The following MCTP2 variants were observed in gnomAD, a reference collection of about 807,000 sequenced individuals.
MCTP2 encodes the protein multiple C2 and transmembrane domain-containing protein 2.
In MCTP2, 132 loss-of-function variants were observed where a neutral mutation model predicts 111.6. The ratio of observed to expected loss-of-function variants is 1.18; its 90% confidence interval spans 1.03 to 1.37. The LOEUF is 1.37. Among genes scored for constraint, MCTP2 ranks in the 40% most tolerant of loss-of-function variants. The pLI is 0.00. For missense variants in MCTP2, 1,183 were observed against 1,067.9 expected (o/e 1.11, Z -1.50); for synonymous variants, 395 against 387.7 (o/e 1.02, Z -0.22).
At chr15:94,239,276 T>C (rs147027556) in intron 1 of MCTP2, among the ~76,000 whole-genome samples, 30 of 152,348 alleles carry the variant, frequency 2.0e-4, no homozygotes, top group African/African-American at 7.2e-4. Flanking sequence ...TATATAGATA[T>C]GCTTAGCTTC....
chr15:94,440,744 C>T (rs556177386), intron 18 of MCTP2, among the ~76,000 whole-genome samples: 1 of 152,322 alleles, frequency 6.6e-6, no homozygotes, highest in East Asian at 1.9e-4. Flanking sequence ...TCAGGAGATT[C>T]CCAGAGGCTT....
At chr15:94,340,532 T>C (rs1044925037) in intron 6 of MCTP2, among the ~76,000 whole-genome samples, 15 of 152,230 alleles carry the variant, frequency 9.9e-5, no homozygotes, top group Non-Finnish European at 1.8e-4. Flanking sequence ...TTTGTTAATA[T>C]TCAGTTTCAT....
intron 1 of MCTP2, among the ~76,000 whole-genome samples, chr15:94,250,112 G>T (rs2072305915): frequency 6.6e-6 from 1 of 151,510 alleles, no homozygotes. Context: ...ACATAGTTTT[G>T]GTAGAATTTT....
chr15:94,377,056 T>C (rs758892455), intron 12 of MCTP2, among the ~76,000 whole-genome samples: 5 of 152,170 alleles, frequency 3.3e-5, no homozygotes, highest in Admixed American at 6.5e-5. Context: ...TTTCTGGAAA[T>C]TATAATAGTG....
chr15:94,329,240 G>A (rs1036151160), intron 4 of MCTP2, among the ~76,000 whole-genome samples: 1 of 151,908 alleles, frequency 6.6e-6, no homozygotes, highest in African/African-American at 2.4e-5. Flanking sequence ...AAACAATCTG[G>A]GTTCAAGGCT....
At chr15:94,307,129 A>G (rs1308434156) in intron 2 of MCTP2, among the ~76,000 whole-genome samples, 2 of 152,176 alleles carry the variant, frequency 1.3e-5, no homozygotes, top group African/African-American at 4.8e-5. Context: ...GTGCTGATGC[A>G]GATCCAGACA....
At chr15:94,478,365 C>T (rs557349110) in intron 22 of MCTP2, among the ~76,000 whole-genome samples, 15 of 152,342 alleles carry the variant, frequency 9.8e-5, no homozygotes, top group African/African-American at 2.6e-4. Context: ...CTCCGTGTAT[C>T]GCCAAGGGCG....
At chr15:94,435,790 C>A (rs1283767586) in intron 17 of MCTP2, among the ~76,000 whole-genome samples, 1 of 143,686 alleles carries the variant, frequency 7.0e-6, no homozygotes, top group Non-Finnish European at 1.5e-5. Flanking sequence ...CGCCACTACA[C>A]CCGGCTAATT....
At chr15:94,261,810 C>G (rs1355800965) in intron 1 of MCTP2, among the ~76,000 whole-genome samples, 1 of 152,124 alleles carries the variant, frequency 6.6e-6, no homozygotes, top group Non-Finnish European at 1.5e-5. Flanking sequence ...TATGCTGATT[C>G]AGAATGAATT....
chr15:94,243,795 A>G (rs1443360418), intron 1 of MCTP2, among the ~76,000 whole-genome samples: 2 of 148,450 alleles, frequency 1.3e-5, no homozygotes, highest in Non-Finnish European at 3.0e-5. Flanking sequence ...ATGTATATAC[A>G]CATATGCGTA....
At chr15:94,245,770 G>A (rs1490076463) in intron 1 of MCTP2, among the ~76,000 whole-genome samples, 2 of 149,776 alleles carry the variant, frequency 1.3e-5, no homozygotes, top group East Asian at 3.9e-4. Context: ...GAAGGCTTTG[G>A]AAGGTGAAAC....
At chr15:94,342,215 AT>A (rs1313559126) in intron 7 of MCTP2, 4 of 152,186 alleles carry the variant, frequency 2.6e-5, no homozygotes, top group Non-Finnish European at 5.9e-5. Flanking sequence ...TCTATAGCAT[AT>A]TAGATTATGT....
chr15:94,384,016 T>C lies in MCTP2; in HGVS notation c.1583-6T>C, dbSNP rs79255234. 4,066 of 1,602,776 alleles carry C rather than the reference T, an allele frequency of 2.5e-3. 78 individuals carry two copies. The African/African-American group carries it at 0.046, about 18-fold the overall frequency. ...TCTTTGACCGATGTGTATGTTATCT[T>C]TCCAGGGAAGAGTGACCCATTTTGC... is the stretch of plus-strand genomic sequence containing the variant. On this transcript the variant is annotated splice_region_variant and splice_polypyrimidine_tract_variant and intron_variant, in intron 12 of 22. Transcript: ENST00000357742.
chr15:94,441,450 T>C (rs901190129), intron 18 of MCTP2, among the ~76,000 whole-genome samples: 9 of 152,242 alleles, frequency 5.9e-5, no homozygotes, highest in African/African-American at 1.9e-4. Context: ...TCAACTAACA[T>C]TTTTACAATG....
chr15:94,255,217 C>T (rs973141225), intron 1 of MCTP2, among the ~76,000 whole-genome samples: 11 of 152,180 alleles, frequency 7.2e-5, no homozygotes, highest in Non-Finnish European at 2.9e-5. Context: ...TAAATGATTT[C>T]AAATACATCT....
intron 1 of MCTP2, among the ~76,000 whole-genome samples, chr15:94,283,235 G>GA (rs2074581421): frequency 6.6e-6 from 1 of 152,184 alleles, no homozygotes; most frequent in Non-Finnish European, 1.5e-5. Context: ...CCCTGGGAGA[G>GA]GCCAGCAGAC....
At chr15:94,312,397 A>G (rs1486488230) in intron 2 of MCTP2, among the ~76,000 whole-genome samples, 2 of 152,208 alleles carry the variant, frequency 1.3e-5, no homozygotes, top group Non-Finnish European at 2.9e-5. Flanking sequence ...AGGAGATACC[A>G]AGAACTAAGG....
chr15:94,443,457 T>C (rs2083905519), intron 19 of MCTP2, among the ~76,000 whole-genome samples: 1 of 152,204 alleles, frequency 6.6e-6, no homozygotes, highest in Non-Finnish European at 1.5e-5. Context: ...TTGTTGTCAT[T>C]ACGCTTTCAG....
chr15:94,249,642 C>A (rs534627666), intron 1 of MCTP2, among the ~76,000 whole-genome samples: 1 of 152,062 alleles, frequency 6.6e-6, no homozygotes, highest in Non-Finnish European at 1.5e-5. Context: ...CCCGCCACCA[C>A]GCCCAGCTAA....
Sources: allele counts gnomAD v4.1 joint callset (sites outside exome capture counted in the v4.1 genomes callset), GRCh38; gene constraint gnomAD v4.1.1; transcripts MANE v1.5; gene names NCBI Gene and HGNC (gene_info 2026-07-23, HGNC 2026-07-21).